Variants in MEGF11 observed in about 807,000 individuals in gnomAD.
The protein encoded by MEGF11 is multiple EGF like domains 11.
MEGF11 carries 126 observed loss-of-function variants against 146.6 expected under a neutral mutation model. That is an observed-to-expected ratio of 0.86 (90% confidence interval 0.74 to 1.00). The LOEUF is 1.00. Ranked by LOEUF, MEGF11 falls within the 50% of genes least tolerant of loss-of-function variation. The pLI is 0.00. For synonymous variants in MEGF11, 532 were observed against 583.4 expected, an observed-to-expected ratio of 0.91 and a Z score of 1.27; for missense variants, 1,509 against 1,521.2, an observed-to-expected ratio of 0.99 and a Z score of 0.13.
At chr15:66,188,567 G>C (rs1460950980) in intron 1 of MEGF11, among the ~76,000 whole-genome samples, 1 of 152,164 alleles carries the variant, frequency 6.6e-6, no homozygotes, top group African/African-American at 2.4e-5. Flanking sequence ...CTTGGTTCTG[G>C]TTTCCCCTCT....
At chr15:66,076,798 T>A (rs996134614) in intron 5 of MEGF11, among the ~76,000 whole-genome samples, 1 of 152,034 alleles carries the variant, frequency 6.6e-6, no homozygotes, top group Non-Finnish European at 1.5e-5. Flanking sequence ...ATCACAGCAA[T>A]CTCCCCCCAT....
intron 3 of MEGF11, among the ~76,000 whole-genome samples, chr15:66,123,588 T>C (rs2140935856): frequency 1.3e-5 from 2 of 152,302 alleles, no homozygotes; most frequent in South Asian, 4.1e-4. Context: ...CTAGGATACA[T>C]GTAGAACATG....
intron 1 of MEGF11, among the ~76,000 whole-genome samples, chr15:66,162,071 C>T (rs557023137): frequency 6.6e-6 from 1 of 152,284 alleles, no homozygotes; most frequent in South Asian, 2.1e-4. Context: ...CTATGACACA[C>T]TTGCTGCCAG....
At position 65,915,546 on chromosome 15, in the gene MEGF11, C is replaced by A; in HGVS notation, c.2397G>T (p.Met799Ile). 6.2e-7 allele frequency: 1 copy of A among 1,613,976 alleles called. No individual in the cohort carries two copies. The highest frequency in any genetic ancestry group is 2.2e-5 in the East Asian group (1 of 44,886). The change falls in exon 19 of 26, where the codon ATG (methionine) becomes ATT (isoleucine). Residue 799 changes from methionine (M) to isoleucine (I), a missense_variant. Physicochemically the swap from Met to Ile is conservative, Grantham distance 10 (BLOSUM62 1). Transcript: ENST00000395614. ...GYGCQQLCEC[M>I]NNSTCDHVTG... The stretch of plus-strand genomic sequence containing the variant: ...TGACATGGTCACAGGTGGAGTTGTT[C>A]ATGCACTCACATAGCTGCTGACACC...
In MEGF11 at chr15:65,918,104, C is replaced by T; in HGVS notation, c.1958-10G>A. 1 of 1,613,550 alleles carries T rather than the reference C, an allele frequency of 6.2e-7. No homozygotes were observed. The highest frequency in any genetic ancestry group is 1.7e-5 in the Admixed American group (1 of 60,030). ...TATCCTCCAGCACACACTGTGGGCA[C>T]AGGGCAGCCTGGCACCCATCCTCCC... On this transcript the variant is annotated splice_polypyrimidine_tract_variant and intron_variant, in intron 15 of 25. Coordinates refer to ENST00000395614, the MANE Select transcript of MEGF11 (RefSeq NM_001385028.1).
intron 2 of MEGF11, among the ~76,000 whole-genome samples, chr15:66,127,253 A>T (rs2088398883): frequency 6.6e-6 from 1 of 152,210 alleles, no homozygotes; most frequent in Non-Finnish European, 1.5e-5. Flanking sequence ...CCAAAAAGGG[A>T]CACACCACAG....
intron 5 of MEGF11, among the ~76,000 whole-genome samples, chr15:65,983,559 G>T (rs981797759): frequency 1.1e-4 from 16 of 152,206 alleles, no homozygotes; most frequent in African/African-American, 3.9e-4. Flanking sequence ...TCCCAGCTAA[G>T]GAGACCAGGC....
chr15:65,991,986 A>G (rs200635246), intron 5 of MEGF11, among the ~76,000 whole-genome samples: 1 of 152,336 alleles, frequency 6.6e-6, no homozygotes, highest in East Asian at 1.9e-4. Flanking sequence ...ACACGGGGTG[A>G]TGAGAGGAGC....
rs141000346 is a variant in MEGF11 at position 66,136,839 on chromosome 15, G to T, written c.-8-8428C>A. ...GGTTAGGAGTTCGAGACCAGCCTGT[G>T]CAACATAATGAGATCCCATCTCTAC... On this transcript the variant is annotated intron_variant, in intron 1 of 25. Transcript: ENST00000395614. Among the ~76,000 whole-genome samples the T allele has an allele frequency of 1.1e-3, 166 of 152,238 alleles. 1 individual carries two copies. The highest frequency in any genetic ancestry group is 3.7e-3 in the African/African-American group (155 of 41,524).
intron 8 of MEGF11, among the ~76,000 whole-genome samples, chr15:65,965,600 C>CTTTCTTTCTTTCTTTTT: frequency 5.3e-5 from 1 of 18,880 alleles, no homozygotes; most frequent in Non-Finnish European, 9.0e-5. Flanking sequence ...TTCTTTCTTT[C>CTTTCTTTCTTTCTTTTT]TTTTTTTTTT....
At chr15:66,180,548 T>C (rs1223329090) in intron 1 of MEGF11, among the ~76,000 whole-genome samples, 1 of 152,334 alleles carries the variant, frequency 6.6e-6, no homozygotes, top group East Asian at 1.9e-4. Flanking sequence ...TGTAGTTTCC[T>C]TTTTTATTCA....
chr15:65,909,030 T>C lies in MEGF11; in HGVS notation c.2998+4A>G. 6.5e-7 allele frequency: 1 copy of C among 1,532,212 alleles called. No homozygotes were observed. The highest frequency in any genetic ancestry group is 8.7e-7 in the Non-Finnish European group (1 of 1,143,544). The allele number at this position is 1,532,212 out of a possible 1,614,324, so 94.9% of individuals were successfully genotyped here. A position where few individuals can be genotyped will look rare whatever the true frequency, so the allele number is the denominator to read the frequency against. On this transcript the variant is annotated splice_donor_region_variant and intron_variant, in intron 23 of 25. Coordinates refer to ENST00000395614, the MANE Select transcript of MEGF11 (RefSeq NM_001385028.1). ...GGGGGTGGAGGGTAGGGCTGGGGTC[T>C]GACCTGGTGAGTGTGGCTCAGCGGG...
At chr15:66,165,047 C>A (rs2141091077) in intron 1 of MEGF11, among the ~76,000 whole-genome samples, 1 of 152,316 alleles carries the variant, frequency 6.6e-6, no homozygotes, top group African/African-American at 2.4e-5. Context: ...CCGGGCTCAT[C>A]TCTCAAACTA....
intron 5 of MEGF11, among the ~76,000 whole-genome samples, chr15:66,087,618 C>T (rs1447565371): frequency 3.3e-5 from 5 of 152,004 alleles, no homozygotes; most frequent in African/African-American, 7.2e-5. Context: ...AAAAATTCTT[C>T]GAATGACAAT....
chr15:65,934,832 A>C (rs901679445), intron 10 of MEGF11, among the ~76,000 whole-genome samples: 1 of 152,148 alleles, frequency 6.6e-6, no homozygotes, highest in African/African-American at 2.4e-5. Flanking sequence ...AAGATTGTGC[A>C]CCTGGAGAGG....
chr15:65,900,975 CTTAT>C (rs1229120080), intron 24 of MEGF11, among the ~76,000 whole-genome samples: 2 of 152,192 alleles, frequency 1.3e-5, no homozygotes, highest in East Asian at 1.9e-4. Flanking sequence ...CACTAAGTTA[CTTAT>C]TTGAGACACC....
chr15:65,960,571 G>T (rs1368338859), intron 9 of MEGF11, among the ~76,000 whole-genome samples: 1 of 152,236 alleles, frequency 6.6e-6, no homozygotes, highest in South Asian at 2.1e-4. Context: ...GCTCAGTCAC[G>T]GTTGTGGAGA....
Position 66,234,847 on chromosome 15 carries a change from T to A in MEGF11, c.-9+18758A>T, listed in dbSNP as rs79435364. Among the ~76,000 whole-genome samples the A allele has an allele frequency of 3.2e-3, 472 of 147,196 alleles. 2 individuals are homozygous for A. The highest frequency in any genetic ancestry group is 0.011 in the African/African-American group (440 of 39,864). On this transcript the variant is annotated intron_variant, in intron 1 of 25. Transcript: ENST00000395614. ...TCATAAAACGCTGAGAAATTAAAGA[T>A]GAAAATTACCCAGAAGGACACCGAG...
rs549596329 is a variant in MEGF11, at chr15:66,051,786, C to T, written c.394+42616G>A. 2.0e-4 allele frequency among the ~76,000 whole-genome samples: 31 copies of T among 152,274 alleles called. No homozygotes were observed. The East Asian group carries it at 4.6e-3, about 23-fold the overall frequency. ...AAATGACTGGGAAGGGCTCACTGGTCGATTTCGGCATCTCTGGCACCTGTT... is the reference window on the plus strand; with the variant it reads ...AAATGACTGGGAAGGGCTCACTGGTTGATTTCGGCATCTCTGGCACCTGTT... On this transcript the variant is annotated intron_variant, in intron 5 of 25. Transcript: ENST00000395614.
Sources: allele counts gnomAD v4.1 joint callset (sites outside exome capture counted in the v4.1 genomes callset), GRCh38; gene constraint gnomAD v4.1.1; transcripts MANE v1.5; gene names NCBI Gene and HGNC (gene_info 2026-07-23, HGNC 2026-07-21).